Variants in GRIP1 observed in about 807,000 individuals in gnomAD.
GRIP1 encodes glutamate receptor-interacting protein 1.
A neutral mutation model predicts 129.9 loss-of-function variants in GRIP1; 45 were observed. The ratio of observed to expected loss-of-function variants is 0.35; its 90% CI spans 0.27 to 0.44. The LOEUF (loss-of-function observed/expected upper bound fraction) is 0.44, where lower values mean the gene tolerates loss of function less well. Ranked by LOEUF, GRIP1 falls within the 20% of genes least tolerant of loss-of-function variation. The pLI, the probability that GRIP1 is intolerant of heterozygous loss-of-function variation, is 1.00. For missense variants in GRIP1, 1,196 were observed against 1,396.8 expected (o/e 0.86, Z 2.29); for synonymous variants, 530 against 520.8 (o/e 1.02, Z -0.24).
At chr12:66,979,594 A>G (rs1259462753) in intron 1 of GRIP1, among the ~76,000 whole-genome samples, 1 of 152,178 alleles carries the variant, frequency 6.6e-6, no homozygotes, top group African/African-American at 2.4e-5. Context: ...ACACTATGTT[A>G]TGGGTTAAGT....
intron 1 of GRIP1, among the ~76,000 whole-genome samples, chr12:66,642,995 C>T (rs183130141): frequency 2.2e-4 from 34 of 152,166 alleles, no homozygotes; most frequent in Non-Finnish European, 3.4e-4. Context: ...GATTTAAATA[C>T]GCAAAACAAA....
At chr12:66,493,020 A>AACAAACAAACAG (rs1451373711) in intron 7 of GRIP1, among the ~76,000 whole-genome samples, 1 of 151,876 alleles carries the variant, frequency 6.6e-6, no homozygotes, top group Non-Finnish European at 1.5e-5. Context: ...CAAACAAACA[A>AACAAACAAACAG]ACAAAAAATT....
chr12:66,539,569 TCAGTTC>T (rs2061712336), intron 3 of GRIP1, among the ~76,000 whole-genome samples: 6 of 117,458 alleles, frequency 5.1e-5, no homozygotes, highest in African/African-American at 1.6e-4. Context: ...TTTTTTTTTT[TCAGTTC>T]TTTGCCCTAA....
At chr12:66,578,601 T>C (rs192618456) in intron 2 of GRIP1, among the ~76,000 whole-genome samples, 2,027 of 152,164 alleles carry the variant, frequency 0.013, 51 homozygotes, top group African/African-American at 0.047. Flanking sequence ...CACCAGGAGA[T>C]TATATCCCGC....
intron 1 of GRIP1, among the ~76,000 whole-genome samples, chr12:66,769,924 T>A (rs1377753813): frequency 6.6e-6 from 1 of 152,174 alleles, no homozygotes; most frequent in Non-Finnish European, 1.5e-5. Context: ...ATTTTATGAG[T>A]TTATAATTTA....
At chr12:66,815,793 TG>T (rs1216418608) in intron 1 of GRIP1, among the ~76,000 whole-genome samples, 1 of 145,758 alleles carries the variant, frequency 6.9e-6, no homozygotes, top group East Asian at 2.0e-4. Context: ...ACAAAAAAAA[TG>T]GGGAGTGGCT....
rs1375724335 is a variant in GRIP1, at chr12:66,347,657, T to TTTTTC, written c.*1357_*1361dup. 1.3e-5 allele frequency: 2 copies of TTTTTC among 152,228 alleles called. No individual in the cohort carries two copies. Among genetic ancestry groups the TTTTTC allele is most frequent in the East Asian group, 1.9e-4 (1 of 5,200 alleles). The allele number at this position is 152,228 out of a possible 1,614,324, so 9.4% of individuals were successfully genotyped here. ...ACATATTTAAGTGACTCATGATCTT[T>TTTTTC]TTTTCTTTTTTCTTAACATGATCCT... On this transcript the variant is annotated 3_prime_UTR_variant, in exon 25 of 25. Transcript: ENST00000359742.
intron 18 of GRIP1, 46 bp from the exon 19 acceptor site, chr12:66,392,548 A>T: frequency 8.8e-6 from 14 of 1,584,126 alleles, no homozygotes; most frequent in Non-Finnish European, 1.1e-5. Flanking sequence ...AAATTTAAAT[A>T]AAAATATACC....
In GRIP1 at chr12:66,389,964, G is replaced by A. The variant is rs115712541; in HGVS notation, c.2464+2344C>T. Among the ~76,000 whole-genome samples, 1,433 of 152,282 alleles carry A rather than the reference G, an allele frequency of 9.4e-3. 20 individuals carry two copies. The highest frequency in any genetic ancestry group is 0.033 in the African/African-American group (1,354 of 41,558). On this transcript the variant is annotated intron_variant, in intron 19 of 24. Transcript: ENST00000359742. The stretch of plus-strand genomic sequence containing the variant: ...CAACAGAGACCCAATAGCTGTCTTC[G>A]AGTATCTAAGGGGCTGTCAGGAGAA...
At chr12:66,395,582 G>C (rs537391095) in intron 16 of GRIP1, among the ~76,000 whole-genome samples, 4 of 152,204 alleles carry the variant, frequency 2.6e-5, no homozygotes, top group Non-Finnish European at 5.9e-5. Flanking sequence ...GAAGCAATGT[G>C]TCCTCTCTCG....
intron 1 of GRIP1, among the ~76,000 whole-genome samples, chr12:67,034,640 G>A (rs1358031176): frequency 3.3e-5 from 5 of 152,242 alleles, no homozygotes; most frequent in Non-Finnish European, 7.3e-5. Flanking sequence ...TAAATGATGA[G>A]TGAATGTGAA....
chr12:66,946,714 G>A (rs925472341), intron 1 of GRIP1, among the ~76,000 whole-genome samples: 1 of 143,598 alleles, frequency 7.0e-6, no homozygotes, highest in Non-Finnish European at 1.5e-5. Context: ...TGCTTGGGCT[G>A]GCCATGGTAG....
At chr12:66,883,799 G>C (rs1738001377) in intron 1 of GRIP1, among the ~76,000 whole-genome samples, 2 of 152,226 alleles carry the variant, frequency 1.3e-5, no homozygotes, top group Non-Finnish European at 2.9e-5. Context: ...TCGGGTTTCA[G>C]CTCTGTTGCT....
chr12:66,864,705 C>T (rs1290039010), intron 1 of GRIP1, among the ~76,000 whole-genome samples: 2 of 152,014 alleles, frequency 1.3e-5, no homozygotes, highest in South Asian at 4.2e-4. Context: ...GAGACCCTGT[C>T]TCTGAAAAAT....
At position 66,994,996 on chromosome 12, in the gene GRIP1, T is replaced by C. The variant is rs187234996; in HGVS notation, c.58+74054A>G. Among the ~76,000 whole-genome samples the C allele has an allele frequency of 1.9e-3, 296 of 152,192 alleles. 2 individuals carry two copies. Among genetic ancestry groups the C allele is most frequent in the Admixed American group, 4.0e-3 (61 of 15,276 alleles). On this transcript the variant is annotated intron_variant, in intron 1 of 1. Transcript: ENST00000643019. ...TGGAGTGCTGACATAAGGATAGATA[T>C]GTAGATTAATGGAGTAGAATTATGA...
chr12:66,940,451 A>G (rs1347809835), intron 1 of GRIP1, among the ~76,000 whole-genome samples: 1 of 152,158 alleles, frequency 6.6e-6, no homozygotes, highest in East Asian at 1.9e-4. Flanking sequence ...TACACCCAAA[A>G]GAATGACAAA....
chr12:66,672,922 T>C (rs1049092077), intron 1 of GRIP1, among the ~76,000 whole-genome samples: 1 of 152,208 alleles, frequency 6.6e-6, no homozygotes, highest in Non-Finnish European at 1.5e-5. Context: ...TTTTTTTGTT[T>C]GTTTGTTTTT....
chr12:66,990,422 T>C (rs1306807754), intron 1 of GRIP1, among the ~76,000 whole-genome samples: 3 of 152,162 alleles, frequency 2.0e-5, no homozygotes, highest in African/African-American at 7.2e-5. Flanking sequence ...ATTTGAAAAA[T>C]ACATAGGTAA....
chr12:66,864,218 C>T (rs1436142138), intron 1 of GRIP1, among the ~76,000 whole-genome samples: 2 of 150,074 alleles, frequency 1.3e-5, no homozygotes, highest in Non-Finnish European at 3.0e-5. Flanking sequence ...AAATACTCTT[C>T]ATGTCCTCAA....
Sources: allele counts gnomAD v4.1 joint callset (sites outside exome capture counted in the v4.1 genomes callset), GRCh38; gene constraint gnomAD v4.1.1; transcripts MANE v1.5; gene names NCBI Gene and HGNC (gene_info 2026-07-23, HGNC 2026-07-21).